Variants in IFTAP observed in about 807,000 individuals in gnomAD.
IFTAP encodes intraflagellar transport-associated protein.
In IFTAP, 19 loss-of-function variants were observed where a neutral mutation model predicts 19.4. The ratio of observed to expected loss-of-function variants is 0.98; its 90% confidence interval spans 0.68 to 1.44. The LOEUF (loss-of-function observed/expected upper bound fraction) is 1.44, where lower values mean the gene tolerates loss of function less well. Among genes scored for constraint, IFTAP ranks in the 40% most tolerant of loss-of-function variants. The pLI is 0.00. For synonymous variants in IFTAP, 85 were observed against 83.5 expected (o/e 1.02, Z -0.10); for missense variants, 240 against 253.6 (o/e 0.95, Z 0.36).
intron 3 of IFTAP, 61 bp downstream of exon 3, chr11:36,633,499 C>CA (rs144097691): frequency 0.099 from 127,042 of 1,282,140 alleles, 7,521 homozygotes; most frequent in African/African-American, 0.31. Context: ...CTTCATGAAT[C>CA]AAAAAAAAGA....
intron 2 of IFTAP, among the ~76,000 whole-genome samples, chr11:36,619,586 C>T (rs1369045573): frequency 6.6e-6 from 1 of 152,004 alleles, no homozygotes; most frequent in African/African-American, 2.4e-5. Flanking sequence ...GCTGTGTAGC[C>T]TTTTGCAGTT....
At chr11:36,610,690 A>G (rs967276440) in intron 2 of IFTAP, among the ~76,000 whole-genome samples, 1 of 152,162 alleles carries the variant, frequency 6.6e-6, no homozygotes, top group African/African-American at 2.4e-5. Context: ...TAAAAGAGGA[A>G]TAATAATAGT....
chr11:36,659,055 G>A lies in IFTAP; in HGVS notation c.535G>A (p.Glu179Lys). The A allele has an allele frequency of 1.2e-6, 2 of 1,601,574 alleles. No homozygotes were observed. Among genetic ancestry groups the A allele is most frequent in the Non-Finnish European group, 1.7e-6 (2 of 1,174,614 alleles). The change falls in exon 6 of 6, where the codon GAA becomes AAA. Residue 179 changes from glutamate to lysine, a missense_variant. By Grantham distance (56) the Glu-to-Lys change is moderately conservative (BLOSUM62 1). Transcript: ENST00000334307. ...TGAAGTTCAACTTTTTTCACTTGAT[G>A]AAGAATTTGATTATGACAATGTGAT... ...GDEVQLFSLD[E>K]EFDYDNVMLT...
At chr11:36,620,056 T>C (rs1852238672) in intron 2 of IFTAP, among the ~76,000 whole-genome samples, 1 of 152,010 alleles carries the variant, frequency 6.6e-6, no homozygotes, top group Non-Finnish European at 1.5e-5. Flanking sequence ...AAAAATTAAT[T>C]AATCTTGCAT....
intron 2 of IFTAP, among the ~76,000 whole-genome samples, chr11:36,619,306 A>C (rs1852212991): frequency 6.6e-6 from 1 of 152,042 alleles, no homozygotes; most frequent in African/African-American, 2.4e-5. Flanking sequence ...ATAAAACAAC[A>C]CATTTCCGAA....
chr11:36,648,772 C>T (rs1289312024), intron 5 of IFTAP, among the ~76,000 whole-genome samples: 6 of 152,092 alleles, frequency 3.9e-5, no homozygotes, highest in Non-Finnish European at 5.9e-5. Flanking sequence ...ATGGGGGCAG[C>T]ATGTTTCCCC....
rs114987973 is a variant in IFTAP, at chr11:36,616,627, C to A, written c.136+6388C>A. ...TCAGATTTTAATAATATTGTATAAT[C>A]ATGAGATTAATCTATATATACTTAA... is the stretch of plus-strand genomic sequence containing the variant. On this transcript the variant is annotated intron_variant, in intron 2 of 5. Coordinates refer to ENST00000334307, the MANE Select transcript of IFTAP (RefSeq NM_138787.4). Among the ~76,000 whole-genome samples the A allele has an allele frequency of 3.2e-3, 487 of 152,004 alleles. 9 individuals carry two copies. The highest frequency in any genetic ancestry group is 0.025 in the East Asian group (128 of 5,166).
intron 2 of IFTAP, among the ~76,000 whole-genome samples, chr11:36,629,004 G>A (rs1852627659): frequency 6.6e-6 from 1 of 151,322 alleles, no homozygotes; most frequent in Non-Finnish European, 1.5e-5. Flanking sequence ...TTTAGACAAA[G>A]CATTTGTCTG....
chr11:36,616,402 A>T (rs1004469530), intron 2 of IFTAP, among the ~76,000 whole-genome samples: 4 of 151,900 alleles, frequency 2.6e-5, no homozygotes, highest in Non-Finnish European at 5.9e-5. Flanking sequence ...CTTTGAAAAA[A>T]ATTCCTGTCA....
intron 5 of IFTAP, among the ~76,000 whole-genome samples, chr11:36,658,370 C>T (rs1026783364): frequency 2.0e-5 from 3 of 152,122 alleles, no homozygotes; most frequent in Non-Finnish European, 4.4e-5. Flanking sequence ...TTAAAACTCA[C>T]AAATTATGAA....
At chr11:36,621,389 G>A (rs1590211698) in intron 2 of IFTAP, among the ~76,000 whole-genome samples, 3 of 152,124 alleles carry the variant, frequency 2.0e-5, no homozygotes, top group East Asian at 1.9e-4. Context: ...TCTAGTATAT[G>A]ATTTTTAGTG....
chr11:36,616,917 G>A (rs907664002), intron 2 of IFTAP, among the ~76,000 whole-genome samples: 3 of 151,682 alleles, frequency 2.0e-5, no homozygotes, highest in Non-Finnish European at 2.9e-5. Context: ...TTTAAAAGGT[G>A]TTTGGGACAA....
At chr11:36,651,939 T>A (rs1853753295) in intron 5 of IFTAP, among the ~76,000 whole-genome samples, 4 of 152,232 alleles carry the variant, frequency 2.6e-5, no homozygotes, top group African/African-American at 9.6e-5. Flanking sequence ...AGTACTATGC[T>A]GTTTTGGTTA....
At chr11:36,617,283 TA>T (rs2133399020) in intron 2 of IFTAP, among the ~76,000 whole-genome samples, 1 of 151,322 alleles carries the variant, frequency 6.6e-6, no homozygotes, top group African/African-American at 2.4e-5. Flanking sequence ...CTTGAAAACT[TA>T]AAACCACATA....
intron 4 of IFTAP, among the ~76,000 whole-genome samples, chr11:36,638,803 G>A (rs1349285435): frequency 6.6e-6 from 1 of 152,146 alleles, no homozygotes; most frequent in Non-Finnish European, 1.5e-5. Flanking sequence ...TTCTACCATT[G>A]ACTTTATTTG....
chr11:36,642,815 T>C (rs1853284609), intron 4 of IFTAP, among the ~76,000 whole-genome samples: 1 of 152,216 alleles, frequency 6.6e-6, no homozygotes, highest in African/African-American at 2.4e-5. Flanking sequence ...CAGCCCTTCA[T>C]GCTAAAAACT....
At chr11:36,647,044 A>G (rs1297114371) in intron 4 of IFTAP, among the ~76,000 whole-genome samples, 2 of 152,242 alleles carry the variant, frequency 1.3e-5, no homozygotes, top group East Asian at 1.9e-4. Flanking sequence ...TTCATTTCAA[A>G]TAAGTTTCAG....
intron 5 of IFTAP, among the ~76,000 whole-genome samples, chr11:36,651,334 G>T (rs558330180): frequency 8.5e-5 from 13 of 152,146 alleles, no homozygotes; most frequent in African/African-American, 1.9e-4. Context: ...TCATGTGTCT[G>T]TTGGCTGCAT....
chr11:36,651,596 CTTT>C (rs1480350170), intron 5 of IFTAP, among the ~76,000 whole-genome samples: 1 of 152,092 alleles, frequency 6.6e-6, no homozygotes, highest in East Asian at 1.9e-4. Flanking sequence ...GTTGCCATTG[CTTT>C]TGGTGTTTTA....
Sources: gnomAD v4.1 joint callset for allele counts (sites outside exome capture counted in the v4.1 genomes callset) on GRCh38, gnomAD v4.1.1 for gene constraint, MANE v1.5 for transcripts, NCBI Gene and HGNC (gene_info 2026-07-23, HGNC 2026-07-21) for gene names.